DOK5: variants seen among roughly 807,000 people sequenced by gnomAD.
DOK5 encodes the protein docking protein 5, also known as downstream of tyrosine kinase 5.
DOK5 carries 27 observed loss-of-function variants against 43.3 expected under a neutral mutation model. The ratio of observed to expected loss-of-function variants is 0.62; its 90% CI spans 0.46 to 0.86. The LOEUF is 0.86. Among genes scored for constraint, DOK5 ranks in the 40% least tolerant of loss-of-function variants. DOK5 has a pLI of 0.00. For missense variants in DOK5, 373 were observed against 392.9 expected, an observed-to-expected ratio of 0.95 and a Z score of 0.43; for synonymous variants, 146 against 140.1, an observed-to-expected ratio of 1.04 and a Z score of -0.30.
At chr20:54,625,542 T>A (rs961071800) in intron 6 of DOK5, among the ~76,000 whole-genome samples, 4 of 152,260 alleles carry the variant, frequency 2.6e-5, no homozygotes, top group Admixed American at 6.5e-5. Flanking sequence ...TGTTATGAAC[T>A]GTAGCTCTGG....
chr20:54,532,120 C>G (rs1463692008), intron 1 of DOK5, among the ~76,000 whole-genome samples: 1 of 152,154 alleles, frequency 6.6e-6, no homozygotes, highest in East Asian at 1.9e-4. Context: ...GTAAGAGCAT[C>G]TCTCATTTAT....
chr20:54,514,586 C>CTTTTTTTTTT (rs199776939), intron 1 of DOK5, among the ~76,000 whole-genome samples: 1 of 100,968 alleles, frequency 9.9e-6, no homozygotes, highest in African/African-American at 4.1e-5. Context: ...AAGTTTTACT[C>CTTTTTTTTTT]TTTTTTTTTT....
intron 2 of DOK5, among the ~76,000 whole-genome samples, chr20:54,570,153 A>T (rs1273499315): frequency 1.3e-5 from 2 of 152,228 alleles, no homozygotes; most frequent in African/African-American, 2.4e-5. Context: ...GTAACACATT[A>T]TACAACATCT....
At chr20:54,639,061 C>T (rs917427898) in intron 6 of DOK5, among the ~76,000 whole-genome samples, 1 of 152,130 alleles carries the variant, frequency 6.6e-6, no homozygotes, top group Non-Finnish European at 1.5e-5. Context: ...TGTGTTGGTT[C>T]CTAAGCAATT....
intron 1 of DOK5, among the ~76,000 whole-genome samples, chr20:54,532,686 T>A (rs1000362737): frequency 5.9e-5 from 9 of 152,168 alleles, no homozygotes; most frequent in Admixed American, 5.9e-4. Context: ...CTGAGTGATC[T>A]TCACCGTGTC....
chr20:54,504,523 A>C (rs1982732837), intron 1 of DOK5, among the ~76,000 whole-genome samples: 1 of 152,222 alleles, frequency 6.6e-6, no homozygotes, highest in Non-Finnish European at 1.5e-5. Flanking sequence ...CTGACATGAA[A>C]AATGAGTATC....
At position 54,616,791 on chromosome 20, in the gene DOK5, T is replaced by TTC. The variant is rs1186814729; in HGVS notation, c.735+6269_735+6270insCT. 1.5e-3 allele frequency among the ~76,000 whole-genome samples: 215 copies of TTC among 141,070 alleles called. 1 individual carries two copies. The highest frequency in any genetic ancestry group is 5.8e-3 in the African/African-American group (204 of 35,456). The allele number at this position is 141,070 out of a possible 152,430, so 92.5% of individuals were successfully genotyped here. On this transcript the variant is annotated intron_variant, in intron 6 of 7. Coordinates refer to ENST00000262593, the MANE Select transcript of DOK5 (RefSeq NM_018431.5). Reference sequence around the variant, plus strand: ...CTTTCTTTTTTTTTTTTTCTTTTTTTTTTTTTTTTGTGTAGAGAAGGAGTC... The same window carrying TTC: ...CTTTCTTTTTTTTTTTTTCTTTTTTTTCTTTTTTTTTGTGTAGAGAAGGAGTC...
rs755999428 is a variant in DOK5, at chr20:54,618,994, G to T, written c.735+8471G>T. On this transcript the variant is annotated intron_variant, in intron 6 of 7. Coordinates refer to ENST00000262593, the MANE Select transcript of DOK5 (RefSeq NM_018431.5). ...ATAGTGCTACTGCCCTCCAGCCTGG[G>T]CAACAGAACAAGACCTTGTTTCAAT... Among the ~76,000 whole-genome samples, 39 of 132,026 alleles carry T rather than the reference G, an allele frequency of 3.0e-4. No homozygotes were observed. In the Admixed American group the frequency reaches 3.3e-3, roughly 11 times the overall value. The allele number at this position is 132,026 out of a possible 152,430, so 86.6% of individuals were successfully genotyped here.
At chr20:54,594,887 C>T (rs6014076) in intron 5 of DOK5, among the ~76,000 whole-genome samples, 28,450 of 152,034 alleles carry the variant, frequency 0.19, 5,237 homozygotes, top group African/African-American at 0.48. Flanking sequence ...TGAAATCTAA[C>T]GGAACTGCTA....
intron 1 of DOK5, among the ~76,000 whole-genome samples, chr20:54,482,913 G>A (rs1178877135): frequency 6.6e-6 from 1 of 152,186 alleles, no homozygotes. Flanking sequence ...AAGAACAAGA[G>A]GCTTTGGGAT....
chr20:54,634,370 A>C (rs6014094), intron 6 of DOK5, among the ~76,000 whole-genome samples: 61,445 of 140,886 alleles, frequency 0.44, 17,439 homozygotes, highest in African/African-American at 0.8. Context: ...TCAGGTCTTC[A>C]TTCAATGTTA....
intron 6 of DOK5, among the ~76,000 whole-genome samples, chr20:54,615,479 G>T (rs1461382540): frequency 6.6e-6 from 1 of 152,126 alleles, no homozygotes; most frequent in Non-Finnish European, 1.5e-5. Context: ...CAAACAGAGG[G>T]CAAGGCAATG....
chr20:54,569,252 G>A (rs544432185), intron 2 of DOK5, among the ~76,000 whole-genome samples: 1 of 152,256 alleles, frequency 6.6e-6, no homozygotes, highest in Admixed American at 6.5e-5. Flanking sequence ...TATAGTGGCA[G>A]TTCCTTTCAT....
chr20:54,549,564 A>G (rs1182900535), intron 1 of DOK5, among the ~76,000 whole-genome samples: 1 of 152,232 alleles, frequency 6.6e-6, no homozygotes, highest in African/African-American at 2.4e-5. Flanking sequence ...TAGACTTAAT[A>G]CCGATGGGTC....
At chr20:54,645,596 A>G (rs1258791264) in intron 7 of DOK5, among the ~76,000 whole-genome samples, 4 of 152,064 alleles carry the variant, frequency 2.6e-5, no homozygotes, top group Non-Finnish European at 4.4e-5. Context: ...AGGCTCCAAG[A>G]AAGCCCTCAG....
intron 7 of DOK5, among the ~76,000 whole-genome samples, chr20:54,644,659 T>C (rs1979289667): frequency 6.9e-6 from 1 of 144,534 alleles, no homozygotes; most frequent in Admixed American, 7.1e-5. Context: ...TGAGCCGAGA[T>C]AGCGCCACTG....
intron 1 of DOK5, among the ~76,000 whole-genome samples, chr20:54,504,870 G>A (rs1483423575): frequency 6.6e-6 from 1 of 152,202 alleles, no homozygotes; most frequent in African/African-American, 2.4e-5. Context: ...TGTGAAAGGT[G>A]TTTTGGCCAT....
At chr20:54,582,633 T>C (rs1306223360) in intron 2 of DOK5, among the ~76,000 whole-genome samples, 1 of 151,876 alleles carries the variant, frequency 6.6e-6, no homozygotes, top group African/African-American at 2.4e-5. Flanking sequence ...TTCCAGAAAT[T>C]TATCTACCTC....
chr20:54,646,248 G>GTTTTTTTTTTTTTTTTTTTTTTTTTTTT lies in DOK5; in HGVS notation c.856+2694_856+2695insTTTTTTTTTTTTTTTTTTTTTTTTTTTT, dbSNP rs386394048. 3.4e-4 allele frequency among the ~76,000 whole-genome samples: 27 copies of GTTTTTTTTTTTTTTTTTTTTTTTTTTTT among 79,930 alleles called. 3 individuals carry two copies. The highest frequency in any genetic ancestry group is 9.0e-4 in the African/African-American group (17 of 18,994). The allele number at this position is 79,930 out of a possible 152,430, so 52.4% of individuals were successfully genotyped here. On this transcript the variant is annotated intron_variant, in intron 7 of 7. Transcript: ENST00000262593. Reference sequence around the variant, plus strand: ...TACTGTTATATCCACTGGTTATACTGTTTTTTTTTTTTTTTTTTTTTTTTG... The same window carrying GTTTTTTTTTTTTTTTTTTTTTTTTTTTT: ...TACTGTTATATCCACTGGTTATACTGTTTTTTTTTTTTTTTTTTTTTTTTTTTTTTTTTTTTTTTTTTTTTTTTTTTTG...
Sources: allele counts gnomAD v4.1 joint callset (sites outside exome capture counted in the v4.1 genomes callset), GRCh38; gene constraint gnomAD v4.1.1; transcripts MANE v1.5; gene names NCBI Gene and HGNC (gene_info 2026-07-23, HGNC 2026-07-21).